Variants in POLK observed in about 807,000 individuals in gnomAD.
The protein encoded by POLK is DNA polymerase kappa.
Under a neutral mutation model 94.0 loss-of-function variants are expected in POLK, and 76 were observed. The observed-to-expected ratio is 0.81, with a 90% CI of 0.67 to 0.98. POLK has a LOEUF of 0.98. POLK is among the 50% of genes least tolerant of loss of function. The probability of loss-of-function intolerance (pLI) is 0.00; values close to 1 mark genes in which losing one functional copy is unlikely to be tolerated. For synonymous variants in POLK, 349 were observed against 325.4 expected, an observed-to-expected ratio of 1.07 and a Z score of -0.78; for missense variants, 954 against 1,010.1, an observed-to-expected ratio of 0.94 and a Z score of 0.75.
intron 5 of POLK, among the ~76,000 whole-genome samples, chr5:75,576,028 A>T (rs1158490151): frequency 1.3e-5 from 2 of 152,172 alleles, no homozygotes. Context: ...TTAGAAAAAA[A>T]AGTCATAGTT....
intron 1 of POLK, among the ~76,000 whole-genome samples, chr5:75,533,424 A>G (rs902102629): frequency 3.3e-5 from 5 of 152,038 alleles, no homozygotes; most frequent in African/African-American, 9.7e-5. Context: ...TCAGTTCTCT[A>G]TTCTGTTCCA....
chr5:75,596,281 A>G (rs867423497), exon 13 of POLK: 1 of 1,613,450 alleles, frequency 6.2e-7, no homozygotes, highest in South Asian at 1.1e-5. Flanking sequence ...AAGGAGCATT[A>G]TTGGCTTTTT....
intron 1 of POLK, among the ~76,000 whole-genome samples, chr5:75,545,355 C>G (rs1769956142): frequency 6.6e-6 from 1 of 152,148 alleles, no homozygotes; most frequent in Non-Finnish European, 1.5e-5. Flanking sequence ...TTATTTATAG[C>G]ATACATGATC....
At chr5:75,590,538 A>G (rs534685662) in intron 11 of POLK, 98 bp downstream of exon 11, 1 of 723,304 alleles carries the variant, frequency 1.4e-6, no homozygotes, top group South Asian at 1.5e-5. Context: ...CTTAAAGATG[A>G]ATACAAATTA....
At chr5:75,589,388 T>TACACACACACACACACACAC (rs71600465) in intron 10 of POLK, among the ~76,000 whole-genome samples, 211 of 128,262 alleles carry the variant, frequency 1.6e-3, no homozygotes, top group African/African-American at 1.9e-3. Context: ...TATACACACA[T>TACACACACACACACACACAC]ACACACACAC....
chr5:75,547,292 G>T (rs1406582121), intron 2 of POLK, 135 bp downstream of exon 2: 2 of 301,004 alleles, frequency 6.6e-6, no homozygotes, highest in Non-Finnish European at 1.2e-5. Flanking sequence ...CTACAAAAGG[G>T]TATGGAATAA....
At chr5:75,563,899 G>A (rs956265593) in intron 3 of POLK, among the ~76,000 whole-genome samples, 1 of 152,170 alleles carries the variant, frequency 6.6e-6, no homozygotes, top group African/African-American at 2.4e-5. Flanking sequence ...TTCTGTAGAT[G>A]TCTATTAGGT....
At chr5:75,580,593 C>A in intron 6 of POLK, 1 of 817,514 alleles carries the variant, frequency 1.2e-6, no homozygotes, top group Non-Finnish European at 1.5e-6. Flanking sequence ...GCATAACTTT[C>A]ACAGGTAATT....
At chr5:75,513,220 C>T (rs142804910) in intron 1 of POLK, among the ~76,000 whole-genome samples, 5,001 of 152,210 alleles carry the variant, frequency 0.033, 104 homozygotes, top group Non-Finnish European at 0.047. Flanking sequence ...TTTTTCTGAC[C>T]ATCCACACTC....
At chr5:75,558,141 A>T (rs1034810624) in intron 3 of POLK, among the ~76,000 whole-genome samples, 2 of 152,094 alleles carry the variant, frequency 1.3e-5, no homozygotes, top group Non-Finnish European at 2.9e-5. Flanking sequence ...GCATACAGGA[A>T]AGTGATTGAC....
intron 1 of POLK, among the ~76,000 whole-genome samples, chr5:75,532,066 C>T (rs1411381745): frequency 6.6e-6 from 1 of 152,126 alleles, no homozygotes; most frequent in Admixed American, 6.5e-5. Context: ...AGTCCCATTC[C>T]ATTATAAACC....
At chr5:75,588,359 C>T (rs143458229) in intron 10 of POLK, among the ~76,000 whole-genome samples, 1 of 152,166 alleles carries the variant, frequency 6.6e-6, no homozygotes, top group East Asian at 1.9e-4. Flanking sequence ...TAAAAAGGAA[C>T]AGTAAGCCAA....
intron 3 of POLK, among the ~76,000 whole-genome samples, chr5:75,559,512 T>C (rs1770848022): frequency 7.1e-6 from 1 of 141,450 alleles, no homozygotes; most frequent in African/African-American, 2.7e-5. Context: ...TTTGTTTTTT[T>C]GTTTTGTTTT....
intron 9 of POLK, among the ~76,000 whole-genome samples, chr5:75,585,865 A>G (rs954931567): frequency 2.0e-5 from 3 of 152,208 alleles, no homozygotes; most frequent in African/African-American, 7.2e-5. Context: ...GGATGCATAT[A>G]AAATTGATGG....
At position 75,593,779 on chromosome 5, in the gene POLK, G is replaced by A. The variant is rs182191216; in HGVS notation, c.1357-99G>A. 262 of 599,668 alleles carry A rather than the reference G, an allele frequency of 4.4e-4. No homozygotes were observed. In the African/African-American group the frequency reaches 4.6e-3, roughly 11 times the overall value. The allele number at this position is 599,668 out of a possible 1,614,324, so 37.1% of individuals were successfully genotyped here. On this transcript the variant is annotated intron_variant, in intron 11 of 14. Coordinates refer to ENST00000241436, the Ensembl canonical transcript of POLK. ...GATTGCTTGAACCCAGAAGTTGAAG[G>A]CTGCAGTGAGCTACAGCTGTGCCAG...
chr5:75,598,750 T>A (rs146368271), exon 15 of POLK: 1 of 152,188 alleles, frequency 6.6e-6, no homozygotes, highest in Non-Finnish European at 1.5e-5. Context: ...GAAGGATAAA[T>A]TGTACCATCA....
At chr5:75,594,135 C>G (rs926191175) in intron 12 of POLK, 86 bp downstream of exon 12, 32 of 853,488 alleles carry the variant, frequency 3.7e-5, no homozygotes, top group Non-Finnish European at 5.7e-5. Context: ...GGGCCCCCAA[C>G]TTAACAATGG....
chr5:75,530,245 C>CTTTTTTTTTTTTTT (rs575507126), intron 1 of POLK, among the ~76,000 whole-genome samples: 22 of 95,934 alleles, frequency 2.3e-4, no homozygotes, highest in South Asian at 3.7e-4. Context: ...ATTTGTATTT[C>CTTTTTTTTTTTTTT]TTTTTTTTTT....
At chr5:75,521,768 C>CT (rs58946110) in intron 1 of POLK, among the ~76,000 whole-genome samples, 27 of 148,360 alleles carry the variant, frequency 1.8e-4, no homozygotes, top group East Asian at 1.2e-3. Flanking sequence ...TGTTGAATTT[C>CT]TTTTTTTTTT....
Sources: gnomAD v4.1 joint callset for allele counts (sites outside exome capture counted in the v4.1 genomes callset) on GRCh38, gnomAD v4.1.1 for gene constraint, MANE v1.5 for transcripts, NCBI Gene and HGNC (gene_info 2026-07-23, HGNC 2026-07-21) for gene names.